HTR1F: variants seen among roughly 807,000 people sequenced by gnomAD.
HTR1F encodes 5-hydroxytryptamine receptor 1F.
Under a neutral mutation model 24.0 loss-of-function variants are expected in HTR1F, and 17 were observed. That is an observed-to-expected ratio of 0.71 (90% CI 0.48 to 1.06). HTR1F has a LOEUF of 1.06. HTR1F is among the 50% of genes least tolerant of loss of function. The pLI, the probability that HTR1F is intolerant of heterozygous loss-of-function variation, is 0.00. For synonymous variants in HTR1F, 186 were observed against 156.8 expected, an observed-to-expected ratio of 1.19 and a Z score of -1.39; for missense variants, 391 against 427.8, an observed-to-expected ratio of 0.91 and a Z score of 0.76.
intron 2 of HTR1F, among the ~76,000 whole-genome samples, chr3:87,909,565 C>A (rs1244317789): frequency 6.6e-6 from 1 of 151,950 alleles, no homozygotes; most frequent in Non-Finnish European, 1.5e-5. Context: ...GGTAGAAATT[C>A]AAGGGGCTTC....
At chr3:87,890,992 C>A (rs1416577834) in intron 2 of HTR1F, among the ~76,000 whole-genome samples, 1 of 151,958 alleles carries the variant, frequency 6.6e-6, no homozygotes, top group Non-Finnish European at 1.5e-5. Flanking sequence ...CAGGCACCTG[C>A]CACCATGCCC....
chr3:87,991,793 A>G lies in HTR1F; in HGVS notation c.1044A>G (p.Thr348=). ...CCCTTATAAATCCACTGATTTACAC[A>G]ATCTTTAATGAAGACTTCAAGAAAG... The part of the protein sequence containing the change: ...LNSLINPLIY[T]IFNEDFKKAF... Residue 348 remains threonine, a synonymous_variant, in exon 3 of 3, where the codon ACA becomes ACG. Coordinates refer to ENST00000319595, the MANE Select transcript of HTR1F (RefSeq NM_001322209.2). 2 of 1,605,818 alleles carry G rather than the reference A, an allele frequency of 1.2e-6. No homozygotes were observed. The highest frequency in any genetic ancestry group is 1.7e-6 in the Non-Finnish European group (2 of 1,176,728).
At chr3:87,796,661 A>C (rs1035656731) in intron 1 of HTR1F, among the ~76,000 whole-genome samples, 1 of 152,166 alleles carries the variant, frequency 6.6e-6, no homozygotes, top group Non-Finnish European at 1.5e-5. Flanking sequence ...CAAAAGAAGA[A>C]AGTACTTTTT....
intron 2 of HTR1F, among the ~76,000 whole-genome samples, chr3:87,947,669 AATAAG>A (rs1704740505): frequency 6.6e-6 from 1 of 152,214 alleles, no homozygotes; most frequent in Non-Finnish European, 1.5e-5. Context: ...CATTGAGTAA[AATAAG>A]ATAATAATAA....
chr3:87,831,096 C>T (rs1704563389), intron 2 of HTR1F, among the ~76,000 whole-genome samples: 1 of 151,832 alleles, frequency 6.6e-6, no homozygotes, highest in African/African-American at 2.4e-5. Flanking sequence ...GTGGTAAATT[C>T]ATAGCTATTT....
chr3:87,800,937 T>G (rs1703980572), intron 1 of HTR1F, among the ~76,000 whole-genome samples: 1 of 152,218 alleles, frequency 6.6e-6, no homozygotes, highest in Non-Finnish European at 1.5e-5. Context: ...GATGGCTATT[T>G]CTCTTATTTA....
At chr3:87,836,811 A>T (rs1704692357) in intron 2 of HTR1F, among the ~76,000 whole-genome samples, 1 of 152,154 alleles carries the variant, frequency 6.6e-6, no homozygotes, top group African/African-American at 2.4e-5. Flanking sequence ...ACAAAAAACA[A>T]GATAAAATCT....
intron 1 of HTR1F, among the ~76,000 whole-genome samples, chr3:87,808,487 G>T (rs1271792297): frequency 2.0e-5 from 3 of 150,348 alleles, no homozygotes; most frequent in Non-Finnish European, 4.5e-5. Flanking sequence ...ATCTGATTTT[G>T]CCTGGGCCTT....
intron 2 of HTR1F, among the ~76,000 whole-genome samples, chr3:87,917,183 C>T (rs1703912556): frequency 6.6e-6 from 1 of 150,822 alleles, no homozygotes; most frequent in Non-Finnish European, 1.5e-5. Flanking sequence ...GTGAGAAAAC[C>T]TATCAAAACC....
At chr3:87,874,106 T>G (rs1364686176) in intron 2 of HTR1F, among the ~76,000 whole-genome samples, 3 of 151,958 alleles carry the variant, frequency 2.0e-5, no homozygotes, top group African/African-American at 7.3e-5. Flanking sequence ...CTATTCAACA[T>G]GATAATGGAG....
intron 2 of HTR1F, among the ~76,000 whole-genome samples, chr3:87,860,184 T>C (rs1424148091): frequency 1.3e-5 from 2 of 152,222 alleles, no homozygotes; most frequent in Non-Finnish European, 2.9e-5. Flanking sequence ...AGGTGGCATA[T>C]GCATTTTTAA....
chr3:87,863,186 T>G (rs1195674815), intron 2 of HTR1F, among the ~76,000 whole-genome samples: 2 of 152,198 alleles, frequency 1.3e-5, no homozygotes, highest in African/African-American at 4.8e-5. Flanking sequence ...TCTGAAGGAT[T>G]AGCAAAAGGT....
intron 2 of HTR1F, among the ~76,000 whole-genome samples, chr3:87,905,203 A>G (rs966583476): frequency 1.3e-5 from 2 of 151,956 alleles, no homozygotes; most frequent in African/African-American, 4.8e-5. Context: ...CCAGCTACTC[A>G]GGAAGCTGAA....
intron 2 of HTR1F, among the ~76,000 whole-genome samples, chr3:87,923,024 G>A (rs1041617863): frequency 3.3e-5 from 5 of 151,772 alleles, no homozygotes; most frequent in African/African-American, 9.7e-5. Context: ...TATTAAGACT[G>A]TCCCATCCCC....
rs72915612 is a variant in HTR1F, at chr3:87,935,996, G to A, written c.-42-54712G>A. 5.3e-3 allele frequency among the ~76,000 whole-genome samples: 812 copies of A among 152,048 alleles called. 2 individuals are homozygous for A. The highest frequency in any genetic ancestry group is 0.017 in the African/African-American group (705 of 41,506). On this transcript the variant is annotated intron_variant, in intron 2 of 2. Coordinates refer to ENST00000319595, the MANE Select transcript of HTR1F (RefSeq NM_001322209.2). The stretch of plus-strand genomic sequence containing the variant: ...CTCCTGAGTAGCTGGGACTACAGGC[G>A]CCCACCACTACATCTGGCTAATTTT...
intron 2 of HTR1F, among the ~76,000 whole-genome samples, chr3:87,902,784 C>T (rs2343776): frequency 0.084 from 10,968 of 130,444 alleles, 1,460 homozygotes; most frequent in African/African-American, 0.29. Context: ...GAGTGTGATG[C>T]TCCCCTTCCT....
rs1255246050 is a variant in HTR1F, at chr3:87,990,944, T to G, written c.195T>G (p.Leu65=). Residue 65 remains leucine, a synonymous_variant, in exon 3 of 3, where the codon CTT becomes CTG. Transcript: ENST00000319595. ...CAGCCAATTATTTAATTTGTTCCCT[T>G]GCAGTCACAGATTTTCTTGTGGCTG... is the stretch of plus-strand genomic sequence containing the variant. ...HHPANYLICS[L]AVTDFLVAVL... 1 of 1,614,166 alleles carries G rather than the reference T, an allele frequency of 6.2e-7. No individual in the cohort carries two copies. The highest frequency in any genetic ancestry group is 1.7e-5 in the Admixed American group (1 of 60,020).
At chr3:87,942,242 A>G (rs1704586087) in intron 2 of HTR1F, among the ~76,000 whole-genome samples, 1 of 152,114 alleles carries the variant, frequency 6.6e-6, no homozygotes. Context: ...ATTTGAAAAG[A>G]GTAAAGTTCC....
intron 2 of HTR1F, among the ~76,000 whole-genome samples, chr3:87,897,768 G>T (rs1706234130): frequency 6.6e-6 from 1 of 151,920 alleles, no homozygotes; most frequent in Non-Finnish European, 1.5e-5. Flanking sequence ...TCACACTCCT[G>T]CATACGTCAT....
Sources: gnomAD v4.1 joint callset for allele counts (sites outside exome capture counted in the v4.1 genomes callset) on GRCh38, gnomAD v4.1.1 for gene constraint, MANE v1.5 for transcripts, NCBI Gene and HGNC (gene_info 2026-07-23, HGNC 2026-07-21) for gene names.